The following SPOCK3 variants were observed in gnomAD, a reference collection of about 807,000 sequenced individuals.
SPOCK3 encodes the protein SPARC (osteonectin), cwcv and kazal like domains proteoglycan 3.
Under a neutral mutation model 56.6 loss-of-function variants are expected in SPOCK3, and 30 were observed. The observed-to-expected ratio is 0.53, with a 90% CI of 0.40 to 0.72. SPOCK3 has a LOEUF of 0.72. Ranked by LOEUF, SPOCK3 falls within the 30% of genes least tolerant of loss-of-function variation. SPOCK3 has a pLI of 0.00. For missense variants in SPOCK3, 527 were observed against 530.0 expected, an observed-to-expected ratio of 0.99 and a Z score of 0.06; for synonymous variants, 196 against 183.3, an observed-to-expected ratio of 1.07 and a Z score of -0.56.
At chr4:167,060,498 C>T (rs1308628724) in intron 3 of SPOCK3, among the ~76,000 whole-genome samples, 4 of 151,908 alleles carry the variant, frequency 2.6e-5, no homozygotes, top group East Asian at 1.9e-4. Flanking sequence ...TGACTCAAAG[C>T]GAAAAACAAA....
intron 5 of SPOCK3, among the ~76,000 whole-genome samples, chr4:166,895,378 C>T (rs1735261955): frequency 6.6e-6 from 1 of 151,508 alleles, no homozygotes. Flanking sequence ...AAGAAATTAA[C>T]TATACAGATA....
intron 7 of SPOCK3, among the ~76,000 whole-genome samples, chr4:166,773,882 T>C (rs138138900): frequency 1.1e-4 from 16 of 152,294 alleles, no homozygotes; most frequent in African/African-American, 3.4e-4. Flanking sequence ...ATGGGGCTTA[T>C]AGGATATAAT....
intron 2 of SPOCK3, among the ~76,000 whole-genome samples, chr4:167,216,410 T>A (rs1408578743): frequency 6.6e-6 from 1 of 152,130 alleles, no homozygotes; most frequent in Non-Finnish European, 1.5e-5. Flanking sequence ...GTATTATTGG[T>A]GCTTGCAGGC....
At chr4:167,191,954 T>C (rs1293198561) in intron 2 of SPOCK3, among the ~76,000 whole-genome samples, 1 of 145,414 alleles carries the variant, frequency 6.9e-6, no homozygotes, top group African/African-American at 2.6e-5. Context: ...GTACATTCCT[T>C]CTTTACCTAA....
intron 6 of SPOCK3, among the ~76,000 whole-genome samples, chr4:166,797,200 T>G (rs1351043773): frequency 6.6e-6 from 1 of 151,372 alleles, no homozygotes; most frequent in Non-Finnish European, 1.5e-5. Flanking sequence ...TTAATAAATA[T>G]TTATAATTTA....
intron 6 of SPOCK3, among the ~76,000 whole-genome samples, chr4:166,815,459 G>A (rs142424391): frequency 6.6e-6 from 1 of 152,010 alleles, no homozygotes; most frequent in African/African-American, 2.4e-5. Context: ...TACATACATT[G>A]AATATGATCT....
intron 6 of SPOCK3, among the ~76,000 whole-genome samples, chr4:166,814,577 C>T (rs1744194382): frequency 6.6e-6 from 1 of 152,078 alleles, no homozygotes; most frequent in South Asian, 2.1e-4. Context: ...TTCCTCCTGA[C>T]CTTGGACATC....
chr4:166,802,400 C>T (rs191477750), intron 6 of SPOCK3, among the ~76,000 whole-genome samples: 1 of 152,276 alleles, frequency 6.6e-6, no homozygotes, highest in Non-Finnish European at 1.5e-5. Flanking sequence ...GGCTGAGTGG[C>T]TTATAAAAAG....
At chr4:166,932,818 A>C (rs556405299) in intron 4 of SPOCK3, among the ~76,000 whole-genome samples, 1 of 152,306 alleles carries the variant, frequency 6.6e-6, no homozygotes, top group South Asian at 2.1e-4. Flanking sequence ...TGTGGATATT[A>C]CAAAGTAAAG....
intron 3 of SPOCK3, among the ~76,000 whole-genome samples, chr4:167,009,634 A>C (rs1325981008): frequency 1.3e-5 from 2 of 152,090 alleles, no homozygotes; most frequent in African/African-American, 4.8e-5. Context: ...ATACCAAAAA[A>C]AACAACAACA....
chr4:166,901,957 T>G (rs770114758), intron 5 of SPOCK3, among the ~76,000 whole-genome samples: 4 of 152,100 alleles, frequency 2.6e-5, no homozygotes, highest in Non-Finnish European at 4.4e-5. Context: ...AGGAACATTC[T>G]CTAGAAGCCA....
At chr4:167,147,490 G>A (rs546098449) in intron 2 of SPOCK3, among the ~76,000 whole-genome samples, 2 of 152,104 alleles carry the variant, frequency 1.3e-5, no homozygotes, top group East Asian at 3.9e-4. Flanking sequence ...ATATCATTCT[G>A]CTATAAAGAC....
At chr4:167,103,064 A>G (rs373188378) in intron 2 of SPOCK3, among the ~76,000 whole-genome samples, 1 of 151,754 alleles carries the variant, frequency 6.6e-6, no homozygotes, top group Admixed American at 6.6e-5. Context: ...TCCAGGTACT[A>G]GCTCCCAGAT....
Position 167,160,929 on chromosome 4 carries a change from A to C in SPOCK3, c.189+73056T>G, listed in dbSNP as rs191741884. Among the ~76,000 whole-genome samples, 164 of 152,314 alleles carry C rather than the reference A, an allele frequency of 1.1e-3. 3 individuals carry two copies. The East Asian group carries it at 0.029, about 27-fold the overall frequency. On this transcript the variant is annotated intron_variant, in intron 2 of 10. Transcript: ENST00000357545. ...TAAAGACTTAAATGTTAGACCTAAA[A>C]CCATAAAAATCCTAGAAGAAAACCT... is the stretch of plus-strand genomic sequence containing the variant.
intron 3 of SPOCK3, among the ~76,000 whole-genome samples, chr4:167,018,973 T>A (rs1049906144): frequency 5.9e-5 from 9 of 152,046 alleles, no homozygotes; most frequent in Admixed American, 5.3e-4. Flanking sequence ...TCAAGATCAA[T>A]GGGACACAAG....
intron 7 of SPOCK3, among the ~76,000 whole-genome samples, chr4:166,764,149 C>G (rs959528008): frequency 1.3e-5 from 2 of 151,966 alleles, no homozygotes; most frequent in African/African-American, 4.8e-5. Flanking sequence ...TCTTCCACTT[C>G]CTTTTCCATC....
rs376107978 is a variant in SPOCK3, at chr4:167,145,003, GA to G, written c.190-82467del. On this transcript the variant is annotated intron_variant, in intron 2 of 10. Coordinates refer to ENST00000357545, the MANE Select transcript of SPOCK3 (RefSeq NM_001040159.2). ...GAAGGACCACTCGAAATGCTGTTCA[GA>G]AAAAAAAAACTGTAACACAGCAAAT... Among the ~76,000 whole-genome samples the G allele has an allele frequency of 8.0e-3, 1,171 of 147,134 alleles. 20 individuals are homozygous for G. The highest frequency in any genetic ancestry group is 0.028 in the African/African-American group (1,113 of 40,310).
In SPOCK3 at chr4:167,188,564, TAAAA is replaced by T. The variant is rs1732212859; in HGVS notation, c.189+45417_189+45420del. 1.4e-5 allele frequency among the ~76,000 whole-genome samples: 2 copies of T among 144,786 alleles called. 1 individual carries two copies. Among genetic ancestry groups the T allele is most frequent in the African/African-American group, 5.3e-5 (2 of 37,750 alleles). The allele number at this position is 144,786 out of a possible 152,430, so 95.0% of individuals were successfully genotyped here. A position where few individuals can be genotyped will look rare whatever the true frequency, so the allele number is the denominator to read the frequency against. On this transcript the variant is annotated intron_variant, in intron 2 of 10. Transcript: ENST00000357545. ...GATTAAAATAATTAAAATGCCAAAA[TAAAA>T]AGCCTAAAATCAATAAACATGGAAA...
intron 2 of SPOCK3, among the ~76,000 whole-genome samples, chr4:167,121,588 G>C (rs1402635378): frequency 2.0e-5 from 3 of 152,048 alleles, no homozygotes; most frequent in African/African-American, 7.2e-5. Context: ...ATAGTGGAAG[G>C]CAAAATTTTA....
Sources: allele counts gnomAD v4.1 joint callset (sites outside exome capture counted in the v4.1 genomes callset), GRCh38; gene constraint gnomAD v4.1.1; transcripts MANE v1.5; gene names NCBI Gene and HGNC (gene_info 2026-07-23, HGNC 2026-07-21).